SLAMF1: variants seen among roughly 807,000 people sequenced by gnomAD.
SLAMF1 encodes signaling lymphocytic activation molecule.
SLAMF1 carries 18 observed loss-of-function variants against 35.1 expected under a neutral mutation model. The ratio of observed to expected loss-of-function variants is 0.51; its 90% CI spans 0.35 to 0.76. The LOEUF is 0.76. Among genes scored for constraint, SLAMF1 ranks in the 30% least tolerant of loss-of-function variants. The probability of loss-of-function intolerance (pLI) is 0.01; values close to 1 mark genes in which losing one functional copy is unlikely to be tolerated. For synonymous variants in SLAMF1, 168 were observed against 157.2 expected (o/e 1.07, Z -0.51); for missense variants, 392 against 413.0 (o/e 0.95, Z 0.44).
At chr1:160,610,906 G>A in intron 6 of SLAMF1, 108 bp from the exon 7 acceptor site, 1 of 881,478 alleles carries the variant, frequency 1.1e-6, no homozygotes, top group South Asian at 1.4e-5. Flanking sequence ...AGAGATCATG[G>A]CTTGTGCAGG....
intron 2 of SLAMF1, among the ~76,000 whole-genome samples, chr1:160,635,623 G>C (rs1660410027): frequency 6.7e-6 from 1 of 148,264 alleles, no homozygotes; most frequent in Non-Finnish European, 1.5e-5. Context: ...CTAAGCTGGA[G>C]TGCAGTGGCA....
In SLAMF1 at chr1:160,631,758, G is replaced by A. The variant is rs146858039; in HGVS notation, c.700+2855C>T. Among the ~76,000 whole-genome samples, 107 of 152,272 alleles carry A rather than the reference G, an allele frequency of 7.0e-4. 1 individual carries two copies. The highest frequency in any genetic ancestry group is 2.4e-3 in the African/African-American group (98 of 41,558). On this transcript the variant is annotated intron_variant, in intron 3 of 6. Coordinates refer to ENST00000302035, the MANE Select transcript of SLAMF1 (RefSeq NM_003037.5). Reference sequence around the variant, plus strand: ...AAGGTAGCCATATGCAAGCTAAGGCGAGAGGCCTCAGAAGACACCAAACCT... The same window carrying A: ...AAGGTAGCCATATGCAAGCTAAGGCAAGAGGCCTCAGAAGACACCAAACCT...
intron 3 of SLAMF1, among the ~76,000 whole-genome samples, 190 bp from the exon 4 acceptor site, chr1:160,624,375 A>T (rs1251084556): frequency 6.6e-6 from 1 of 152,050 alleles, no homozygotes; most frequent in Non-Finnish European, 1.5e-5. Flanking sequence ...TCTTATTCTA[A>T]TTTCTCTCAC....
intron 1 of SLAMF1, among the ~76,000 whole-genome samples, chr1:160,638,690 T>C (rs909697607): frequency 6.6e-6 from 1 of 152,200 alleles, no homozygotes; most frequent in African/African-American, 2.4e-5. Context: ...TCTTCCCCAC[T>C]GCTCGCTGGA....
At chr1:160,631,267 A>G (rs1023883982) in intron 3 of SLAMF1, among the ~76,000 whole-genome samples, 21 of 152,234 alleles carry the variant, frequency 1.4e-4, no homozygotes, top group Admixed American at 2.6e-4. Context: ...GCCACAAACC[A>G]GCTGTGTGAT....
intron 3 of SLAMF1, among the ~76,000 whole-genome samples, chr1:160,626,891 T>A (rs976844886): frequency 7.2e-5 from 11 of 152,184 alleles, no homozygotes; most frequent in African/African-American, 1.2e-4. Context: ...CTGTCCACCA[T>A]GCCTGCCTAG....
chr1:160,631,666 G>C (rs185652536), intron 3 of SLAMF1, among the ~76,000 whole-genome samples: 5 of 152,106 alleles, frequency 3.3e-5, no homozygotes, highest in South Asian at 2.1e-4. Context: ...CCAGGAAAGA[G>C]AAAGAGAGAG....
chr1:160,625,319 C>A (rs1484037111), intron 3 of SLAMF1, among the ~76,000 whole-genome samples: 1 of 152,094 alleles, frequency 6.6e-6, no homozygotes, highest in Admixed American at 6.6e-5. Context: ...GTGGAATAAG[C>A]CTGCTTGTTG....
chr1:160,609,687 T>A lies in SLAMF1; in HGVS notation c.*1061A>T, dbSNP rs1415491868. 1 of 152,226 alleles carries A rather than the reference T, an allele frequency of 6.6e-6. No homozygotes were observed. Among genetic ancestry groups the A allele is most frequent in the African/African-American group, 2.4e-5 (1 of 41,454 alleles). 9.4% of individuals were successfully genotyped at this position (152,226 alleles called of 1,614,324 possible). On this transcript the variant is annotated 3_prime_UTR_variant, in exon 7 of 7. Transcript: ENST00000302035. ...TGCCTGCAGCTTGCAAAATAAGTTA[T>A]TGAGCATTCAAAGATTTGAAGCTGT...
At chr1:160,621,845 TGCGTGA>T (rs1325769690) in intron 4 of SLAMF1, among the ~76,000 whole-genome samples, 1 of 128,074 alleles carries the variant, frequency 7.8e-6, no homozygotes, top group African/African-American at 3.1e-5. Flanking sequence ...CTGAGGAGTG[TGCGTGA>T]GTGCGTGTGT....
chr1:160,613,121 C>T (rs954481107), intron 5 of SLAMF1, among the ~76,000 whole-genome samples: 4 of 152,204 alleles, frequency 2.6e-5, no homozygotes, highest in African/African-American at 4.8e-5. Context: ...CTAATGTGTA[C>T]AAGCAAGAAG....
chr1:160,637,283 C>T lies in SLAMF1; in HGVS notation c.323G>A (p.Arg108Gln), dbSNP rs370112111. Reference protein sequence around the residue: ...FYLENLTLGIRESRKEDEGWY... With the variant: ...FYLENLTLGIQESRKEDEGWY... The stretch of plus-strand genomic sequence containing the variant: ...TCCCTCATCCTCCTTCCTGCTTTCC[C>T]GTATCCCCAGGGTGAGATTCTCCAG... Residue 108 changes from arginine to glutamine, a missense_variant, in exon 2 of 7, where the codon CGG becomes CAG. Transcript: ENST00000302035. The T allele has an allele frequency of 1.6e-5, 26 of 1,613,886 alleles. No individual in the cohort carries two copies. The African/African-American group carries it at 2.0e-4, about 12-fold the overall frequency.
chr1:160,612,354 G>A, intron 6 of SLAMF1, 134 bp downstream of exon 6: 1 of 585,318 alleles, frequency 1.7e-6, no homozygotes. Context: ...TGTCACCTAG[G>A]TATGAAGCCT....
chr1:160,612,983 C>T (rs1322867996), intron 5 of SLAMF1, among the ~76,000 whole-genome samples: 1 of 152,190 alleles, frequency 6.6e-6, no homozygotes, highest in Admixed American at 6.5e-5. Flanking sequence ...TCCCACACTG[C>T]CATTCCTACT....
At chr1:160,634,207 G>C (rs1421493622) in intron 3 of SLAMF1, 1 of 152,796 alleles carries the variant, frequency 6.5e-6, no homozygotes, top group African/African-American at 2.4e-5. Flanking sequence ...TTTCTTACCA[G>C]GTAGGTGATC....
intron 1 of SLAMF1, among the ~76,000 whole-genome samples, chr1:160,638,119 T>A (rs568607021): frequency 3.3e-5 from 5 of 151,930 alleles, no homozygotes; most frequent in Admixed American, 1.3e-4. Context: ...ATTACTGTAT[T>A]TCTCTTTTCC....
intron 6 of SLAMF1, 31 bp from the exon 7 acceptor site, chr1:160,610,829 G>A: frequency 6.7e-7 from 1 of 1,498,022 alleles, no homozygotes; most frequent in Non-Finnish European, 9.3e-7. Flanking sequence ...TGTGAGTAGA[G>A]GGACTGGATA....
intron 3 of SLAMF1, among the ~76,000 whole-genome samples, chr1:160,625,595 T>C (rs1233576975): frequency 2.0e-5 from 3 of 152,202 alleles, no homozygotes; most frequent in Admixed American, 1.3e-4. Flanking sequence ...CTCACTGAAC[T>C]GACTTTGCAA....
At position 160,610,758 on chromosome 1, in the gene SLAMF1, G is replaced by A. The variant is rs369460518; in HGVS notation, c.998C>T (p.Pro333Leu). ...TGTTGGTCTCTGGTGTCAGCTCTCTGGAAGTGTCACACTAGCATAGACTGT... is the reference window on the plus strand; with the variant it reads ...TGTTGGTCTCTGGTGTCAGCTCTCTAGAAGTGTCACACTAGCATAGACTGT... ...SITVYASVTL[P>L]ES Residue 333 changes from proline to leucine, a missense_variant, in exon 7 of 7, where the codon CCA becomes CTA. Coordinates refer to ENST00000302035, the MANE Select transcript of SLAMF1 (RefSeq NM_003037.5). 3 of 1,612,414 alleles carry A rather than the reference G, an allele frequency of 1.9e-6. No homozygotes were observed. The highest frequency in any genetic ancestry group is 2.7e-5 in the African/African-American group (2 of 74,890).
Sources: allele counts gnomAD v4.1 joint callset (sites outside exome capture counted in the v4.1 genomes callset), GRCh38; gene constraint gnomAD v4.1.1; transcripts MANE v1.5; gene names NCBI Gene and HGNC (gene_info 2026-07-23, HGNC 2026-07-21).